The following IQSEC1 variants were observed in gnomAD, a reference collection of about 807,000 sequenced individuals.
The protein encoded by IQSEC1 is IQ motif and SEC7 domain-containing protein 1.
A neutral mutation model predicts 91.0 loss-of-function variants in IQSEC1; 31 were observed. That is an observed-to-expected ratio of 0.34 (90% CI 0.26 to 0.46). IQSEC1 has a LOEUF of 0.46. IQSEC1 is among the 20% of genes least tolerant of loss of function. The pLI, the probability that IQSEC1 is intolerant of heterozygous loss-of-function variation, is 1.00. For missense variants in IQSEC1, 1,388 were observed against 1,575.6 expected (o/e 0.88, Z 2.02); for synonymous variants, 699 against 662.6 (o/e 1.05, Z -0.84).
At chr3:13,026,881 TTG>T (rs1559728254) in intron 1 of IQSEC1, among the ~76,000 whole-genome samples, 1,870 of 33,478 alleles carry the variant, frequency 0.056, 79 homozygotes, top group Non-Finnish European at 0.088. Context: ...TTTTTTTTGT[TTG>T]TTTTTTTTTT....
At position 13,008,547 on chromosome 3, in the gene IQSEC1, A is replaced by G. The variant is rs1270306947; in HGVS notation, c.23+64445T>C. Among the ~76,000 whole-genome samples, 2 of 151,848 alleles carry G rather than the reference A, an allele frequency of 1.3e-5. No individual in the cohort carries two copies. The highest frequency in any genetic ancestry group is 2.9e-5 in the Non-Finnish European group (2 of 67,948). ...CTCCTCAGGGAGGCCCTCACTGACCACCGCCAAGTCGCTCCCCACTGCAGC... is the reference window on the plus strand; with the variant it reads ...CTCCTCAGGGAGGCCCTCACTGACCGCCGCCAAGTCGCTCCCCACTGCAGC... On this transcript the variant is annotated intron_variant, in intron 1 of 13. Coordinates refer to ENST00000613206, the MANE Select transcript of IQSEC1 (RefSeq NM_001134382.3). This position sits in a 1 kb window ranked among gnomAD's most constrained non-coding sequence, Gnocchi z 4.1.
intron 1 of IQSEC1, among the ~76,000 whole-genome samples, chr3:13,197,588 G>A (rs1215850905): frequency 6.6e-6 from 1 of 152,222 alleles, no homozygotes; most frequent in Non-Finnish European, 1.5e-5. Context: ...GCCCTATTCA[G>A]CAGCATCTTG....
Position 12,935,631 on chromosome 3 carries a change from G to A in IQSEC1, c.1385C>T (p.Thr462Met), listed in dbSNP as rs759160338. 1.5e-5 allele frequency: 25 copies of A among 1,614,102 alleles called. No homozygotes were observed. Among genetic ancestry groups the A allele is most frequent in the Admixed American group, 5.0e-5 (3 of 60,034 alleles). The part of the protein sequence containing the change: ...SDGDNDSINS[T>M]SNSNDTINCS... ...GTTGATGGTATCGTTGGAGTTGGAC[G>A]TGCTGTTGATGCTGTCATTGTCACC... Residue 462 changes from threonine (T) to methionine (M), a missense_variant, in exon 3 of 14, where the codon ACG becomes ATG. Thr to Met is a moderately conservative substitution (Grantham distance 81). Around this residue, in one of 2 missense-constraint regions of IQSEC1, gnomAD observed 1,059 missense variants for 1,317.8 expected, o/e 0.80. Coordinates refer to ENST00000613206, the MANE Select transcript of IQSEC1 (RefSeq NM_001134382.3). The surrounding 1 kb of genome is among the most constrained non-coding windows in gnomAD (Gnocchi z 8.0).
At chr3:13,001,877 G>A (rs1177381733) in intron 1 of IQSEC1, among the ~76,000 whole-genome samples, 2 of 152,096 alleles carry the variant, frequency 1.3e-5, no homozygotes, top group Non-Finnish European at 2.9e-5. Flanking sequence ...TGGCCAACAA[G>A]GTGAAAACCC....
At chr3:12,913,638 C>A (rs1400713353) in intron 8 of IQSEC1, 85 bp from the exon 9 acceptor site, 10 of 1,416,052 alleles carry the variant, frequency 7.1e-6, no homozygotes, top group African/African-American at 1.4e-5. Flanking sequence ...TCTAGCCCTT[C>A]AAGCTAGAAA....
intron 1 of IQSEC1, among the ~76,000 whole-genome samples, chr3:13,179,735 G>C (rs894391721): frequency 6.6e-6 from 1 of 152,274 alleles, no homozygotes; most frequent in African/African-American, 2.4e-5. Flanking sequence ...GGCTCCCTCA[G>C]CTTGCAGGGA....
intron 1 of IQSEC1, among the ~76,000 whole-genome samples, chr3:13,265,888 T>C (rs1049353967): frequency 1.1e-5 from 1 of 90,180 alleles, no homozygotes; most frequent in Non-Finnish European, 2.1e-5. Context: ...TCTACGGGCA[T>C]TTAAAAAAAA....
intron 2 of IQSEC1, among the ~76,000 whole-genome samples, chr3:13,131,022 GGGAAGGAAGGAAGGAAA>G (rs973379747): frequency 1.5e-4 from 16 of 103,464 alleles, no homozygotes; most frequent in Non-Finnish European, 3.0e-4. Context: ...AGGAACGGAA[GGGAAGGAAGGAAGGAAA>G]GGAAGGAAGG....
rs537635478 is a variant in IQSEC1, at chr3:13,241,171, C to T, written c.272+41540G>A. Among the ~76,000 whole-genome samples the T allele has an allele frequency of 3.3e-5, 5 of 152,170 alleles. No homozygotes were observed. In the South Asian group the frequency reaches 6.2e-4, roughly 19 times the overall value. ...GCAGTAAAGAAACCCAGAATTCCCA[C>T]GATTGAACTGATAATGAAATATTTT... On this transcript the variant is annotated intron_variant, in intron 1 of 15. Coordinates refer to the IQSEC1 transcript ENST00000648114.
chr3:13,145,644 G>A (rs992780440), intron 2 of IQSEC1, among the ~76,000 whole-genome samples: 9 of 152,116 alleles, frequency 5.9e-5, no homozygotes, highest in Non-Finnish European at 1.3e-4. Flanking sequence ...CGAAGAAGGC[G>A]GAGCGGGGTG....
At chr3:13,276,330 C>T (rs972880459) in intron 1 of IQSEC1, among the ~76,000 whole-genome samples, 4 of 151,958 alleles carry the variant, frequency 2.6e-5, no homozygotes, top group African/African-American at 2.4e-5. Context: ...CCTCGTGATC[C>T]GCCCGCCTCG....
chr3:12,964,158 C>T (rs1024153470), intron 1 of IQSEC1, among the ~76,000 whole-genome samples: 5 of 152,236 alleles, frequency 3.3e-5, no homozygotes, highest in Non-Finnish European at 7.3e-5. Context: ...TCTGCAGCAG[C>T]TCATGCAGTG....
At chr3:13,162,274 G>T (rs570074598) in intron 2 of IQSEC1, among the ~76,000 whole-genome samples, 2 of 152,282 alleles carry the variant, frequency 1.3e-5, no homozygotes, top group East Asian at 3.9e-4. Flanking sequence ...GGGCACCTTG[G>T]GGGGATTGGG....
intron 1 of IQSEC1, among the ~76,000 whole-genome samples, chr3:12,968,217 A>C (rs2125530055): frequency 6.6e-6 from 1 of 152,266 alleles, no homozygotes; most frequent in Middle Eastern, 3.4e-3. Context: ...GCCTGCCTGG[A>C]CCGAACCGTG....
At position 13,008,639 on chromosome 3, in the gene IQSEC1, T is replaced by C. The variant is rs183486808; in HGVS notation, c.23+64353A>G. Reference sequence around the variant, plus strand: ...TTTGTGTGTTTGTTTACTTGTCACCTCTCTGCCTCCCCCAACCCCCAAATG... The same window carrying C: ...TTTGTGTGTTTGTTTACTTGTCACCCCTCTGCCTCCCCCAACCCCCAAATG... On this transcript the variant is annotated intron_variant, in intron 1 of 13. Transcript: ENST00000613206. The surrounding 1 kb of genome is among the most constrained non-coding windows in gnomAD (Gnocchi z 4.1). Among the ~76,000 whole-genome samples, 847 of 152,288 alleles carry C rather than the reference T, an allele frequency of 5.6e-3. 5 individuals carry two copies. The highest frequency in any genetic ancestry group is 8.1e-3 in the Non-Finnish European group (552 of 68,024).
intron 2 of IQSEC1, among the ~76,000 whole-genome samples, chr3:13,131,878 AT>A (rs1308671208): frequency 6.6e-6 from 1 of 152,204 alleles, no homozygotes; most frequent in African/African-American, 2.4e-5. Flanking sequence ...TTAAATATCT[AT>A]AATGGTCCCA....
intron 7 of IQSEC1, 47 bp downstream of exon 7, chr3:12,915,547 G>A (rs777669611): frequency 8.8e-6 from 14 of 1,593,352 alleles, no homozygotes; most frequent in South Asian, 3.3e-5. Context: ...AGGCAGCCCC[G>A]CCCGGGTGGT....
chr3:13,217,952 A>G (rs1343696334), intron 1 of IQSEC1, among the ~76,000 whole-genome samples: 2 of 152,112 alleles, frequency 1.3e-5, no homozygotes, highest in Non-Finnish European at 2.9e-5. Context: ...GAAGAGCTGG[A>G]AAGACCTGGG....
At chr3:13,212,382 T>C (rs1694462212) in intron 1 of IQSEC1, among the ~76,000 whole-genome samples, 1 of 152,242 alleles carries the variant, frequency 6.6e-6, no homozygotes, top group Admixed American at 6.5e-5. Flanking sequence ...AGCTGAATAA[T>C]ATTCCACTGT....
Sources: allele counts gnomAD v4.1 joint callset (sites outside exome capture counted in the v4.1 genomes callset), GRCh38; gene constraint gnomAD v4.1.1; regional missense constraint gnomAD v4.1.1; non-coding constraint Gnocchi (gnomAD v3.1); transcripts MANE v1.5; gene names NCBI Gene and HGNC (gene_info 2026-07-23, HGNC 2026-07-21).